Variants in OSBPL9 observed in about 807,000 individuals in gnomAD.
OSBPL9 encodes the protein oxysterol-binding protein-related protein 9.
OSBPL9 carries 40 observed loss-of-function variants against 106.6 expected under a neutral mutation model. The observed-to-expected ratio is 0.38, with a 90% confidence interval of 0.29 to 0.49. The LOEUF (loss-of-function observed/expected upper bound fraction) is 0.49. Among genes scored for constraint, OSBPL9 ranks in the 20% least tolerant of loss-of-function variants. OSBPL9 has a pLI of 0.97. For missense variants in OSBPL9, 609 were observed against 887.2 expected (o/e 0.69, Z 3.98); for synonymous variants, 269 against 295.4 (o/e 0.91, Z 0.92).
At chr1:51,594,294 C>T (rs966370323) in intron 1 of OSBPL9, among the ~76,000 whole-genome samples, 6 of 151,918 alleles carry the variant, frequency 3.9e-5, no homozygotes, top group African/African-American at 1.5e-4. Flanking sequence ...ACCAGCTACT[C>T]AAGAGGCTGA....
rs1336280964 is a variant in OSBPL9 at position 51,669,455 on chromosome 1, G to A, written c.184G>A (p.Asp62Asn). The A allele has an allele frequency of 6.2e-7, 1 of 1,613,900 alleles. No homozygotes were observed. The highest frequency in any genetic ancestry group is 1.3e-5 in the African/African-American group (1 of 74,918). The change falls in exon 3 of 24, where the codon GAT becomes AAT. Residue 62 changes from aspartate (D) to asparagine (N), a missense_variant. Physicochemically the swap from Asp to Asn is conservative, Grantham distance 23 (BLOSUM62 1). Transcript: ENST00000428468. ...ACAGGGAGCTGTGATTGGTATAGACGATGAGGACGACAGCACCTTCACAAT... is the reference window on the plus strand; with the variant it reads ...ACAGGGAGCTGTGATTGGTATAGACAATGAGGACGACAGCACCTTCACAAT... ...RLRGAVIGID[D>N]EDDSTFTITV...
chr1:51,519,180 G>A, the OSBPL9 span: 1 of 1,440,838 alleles, frequency 6.9e-7, no homozygotes, highest in Non-Finnish European at 9.2e-7. Flanking sequence ...AAGCCCGGCG[G>A]ACGGGCGTGT....
At chr1:51,754,604 T>TA (rs1292363634) in intron 8 of OSBPL9, among the ~76,000 whole-genome samples, 4 of 152,188 alleles carry the variant, frequency 2.6e-5, no homozygotes, top group African/African-American at 9.7e-5. Context: ...ACCAGTGCTA[T>TA]ACAATAAAAA....
chr1:51,587,568 A>G (rs1299378145), intron 1 of OSBPL9, among the ~76,000 whole-genome samples: 1 of 152,054 alleles, frequency 6.6e-6, no homozygotes, highest in East Asian at 1.9e-4. Context: ...TCTTCCTTCA[A>G]ACTTGTAACA....
At chr1:51,556,475 G>A in the OSBPL9 span, among the ~76,000 whole-genome samples, 1 of 152,118 alleles carries the variant, frequency 6.6e-6, no homozygotes, top group South Asian at 2.1e-4. Flanking sequence ...ACTGGGAAGG[G>A]TGAGAGTGGA....
intron 4 of OSBPL9, among the ~76,000 whole-genome samples, chr1:51,728,355 A>G (rs1292262715): frequency 6.6e-6 from 1 of 152,224 alleles, no homozygotes; most frequent in African/African-American, 2.4e-5. Context: ...AGATTATTCC[A>G]ACAGGCCAGG....
intron 4 of OSBPL9, among the ~76,000 whole-genome samples, chr1:51,714,365 A>T (rs756899325): frequency 1.3e-5 from 2 of 152,254 alleles, no homozygotes; most frequent in African/African-American, 2.4e-5. Flanking sequence ...TAAGAATTTA[A>T]TATCTGTAGT....
At chr1:51,578,359 C>G (rs778866828) in intron 1 of OSBPL9, among the ~76,000 whole-genome samples, 53 of 152,160 alleles carry the variant, frequency 3.5e-4, no homozygotes, top group Admixed American at 2.9e-3. Flanking sequence ...AGTATCAATA[C>G]AAATGAAACC....
chr1:51,618,642 A>T (rs1644234397), intron 1 of OSBPL9, among the ~76,000 whole-genome samples: 1 of 152,254 alleles, frequency 6.6e-6, no homozygotes, highest in Non-Finnish European at 1.5e-5. Flanking sequence ...AAGAATAGAC[A>T]GTAAAAAAGA....
At chr1:51,530,308 C>G in the OSBPL9 span, among the ~76,000 whole-genome samples, 1 of 149,620 alleles carries the variant, frequency 6.7e-6, no homozygotes, top group Admixed American at 6.7e-5. Context: ...ATTAGATAAA[C>G]TGGATGTCAT....
At chr1:51,751,509 A>G (rs1212237524) in intron 8 of OSBPL9, among the ~76,000 whole-genome samples, 1 of 151,972 alleles carries the variant, frequency 6.6e-6, no homozygotes, top group African/African-American at 2.4e-5. Context: ...AGAAGGAAAG[A>G]TAGGATTGGA....
At chr1:51,681,748 G>A (rs930346580) in intron 3 of OSBPL9, among the ~76,000 whole-genome samples, 3 of 151,730 alleles carry the variant, frequency 2.0e-5, no homozygotes, top group Admixed American at 6.6e-5. Context: ...TACCAAAATC[G>A]CAGATGCCCA....
chr1:51,705,418 T>A (rs1235584489), intron 3 of OSBPL9, among the ~76,000 whole-genome samples: 7 of 117,710 alleles, frequency 5.9e-5, no homozygotes, highest in African/African-American at 2.1e-4. Context: ...TTTTTTTTTT[T>A]TTTTTTTTTT....
Position 51,772,767 on chromosome 1 carries a change from T to A in OSBPL9, c.1170+44T>A. 3.1e-6 allele frequency: 4 copies of A among 1,300,002 alleles called. No homozygotes were observed. The South Asian group carries it at 4.7e-5, about 15-fold the overall frequency. 80.5% of individuals were successfully genotyped at this position (1,300,002 alleles called of 1,614,324 possible). On this transcript the variant is annotated intron_variant, in intron 14 of 23. Coordinates refer to ENST00000428468, the MANE Select transcript of OSBPL9 (RefSeq NM_024586.6). The stretch of plus-strand genomic sequence containing the variant: ...TAAGTCTGTGTGGGTATGTATGGAT[T>A]CTCAGTGATTGCGTGGTGAGTGTGC...
intron 3 of OSBPL9, among the ~76,000 whole-genome samples, chr1:51,679,174 A>G (rs1363973173): frequency 6.6e-6 from 1 of 152,172 alleles, no homozygotes; most frequent in Non-Finnish European, 1.5e-5. Context: ...TCACTGATGT[A>G]CTTTTCTTCT....
In OSBPL9 at chr1:51,621,147, C is replaced by T. The variant is rs867432592; in HGVS notation, c.111+3926C>T. ...CTTGTTTTATTAGTACTCCCATTAA[C>T]TCCTTCCTCCTCTATTGAATTATTT... On this transcript the variant is annotated intron_variant, in intron 1 of 23. Transcript: ENST00000428468. Among the ~76,000 whole-genome samples, 5 of 152,202 alleles carry T rather than the reference C, an allele frequency of 3.3e-5. No homozygotes were observed. The South Asian group carries it at 6.2e-4, about 19-fold the overall frequency.
chr1:51,587,668 C>T (rs984648472), intron 1 of OSBPL9, among the ~76,000 whole-genome samples: 6 of 152,206 alleles, frequency 3.9e-5, no homozygotes, highest in Non-Finnish European at 7.3e-5. Context: ...TTCTCAACCC[C>T]CTTGCCTGTT....
At chr1:51,572,649 T>A (rs1645157422), upstream of OSBPL9, among the ~76,000 whole-genome samples, 1 of 152,186 alleles carries the variant, frequency 6.6e-6, no homozygotes, top group Non-Finnish European at 1.5e-5. Context: ...AGATTCTACC[T>A]CTTGCCAGCT....
the OSBPL9 span, among the ~76,000 whole-genome samples, chr1:51,536,431 C>T: frequency 6.6e-6 from 1 of 152,130 alleles, no homozygotes; most frequent in African/African-American, 2.4e-5. Context: ...CCCCTGCTTC[C>T]AGACTAGCTA....
Sources: gnomAD v4.1 joint callset for allele counts (sites outside exome capture counted in the v4.1 genomes callset) on GRCh38, gnomAD v4.1.1 for gene constraint, MANE v1.5 for transcripts, NCBI Gene and HGNC (gene_info 2026-07-23, HGNC 2026-07-21) for gene names.